TLE1: variants seen among roughly 807,000 people sequenced by gnomAD.
The protein encoded by TLE1 is TLE family member 1, transcriptional corepressor.
In TLE1, 21 loss-of-function variants were observed where a neutral mutation model predicts 89.8. The ratio of observed to expected loss-of-function variants is 0.23; its 90% CI spans 0.17 to 0.34. The LOEUF (loss-of-function observed/expected upper bound fraction) is 0.34, where lower values mean the gene tolerates loss of function less well. Ranked by LOEUF, TLE1 falls within the 10% of genes least tolerant of loss-of-function variation. TLE1 has a pLI of 1.00. For missense variants in TLE1, 795 were observed against 1,031.2 expected (o/e 0.77, Z 3.14); for synonymous variants, 447 against 407.6 (o/e 1.10, Z -1.16).
intron 5 of TLE1, among the ~76,000 whole-genome samples, chr9:81,652,820 C>T (rs879580033): frequency 9.2e-5 from 14 of 152,154 alleles, no homozygotes; most frequent in Non-Finnish European, 1.9e-4. Flanking sequence ...ATACCTAAAA[C>T]TTTAATATTA....
intron 4 of TLE1, among the ~76,000 whole-genome samples, chr9:81,663,262 T>C (rs1225215237): frequency 6.6e-6 from 1 of 152,170 alleles, no homozygotes; most frequent in Non-Finnish European, 1.5e-5. Flanking sequence ...CCTGGAACTA[T>C]TTGGGTACCC....
At chr9:81,648,313 A>T (rs960271288) in intron 6 of TLE1, among the ~76,000 whole-genome samples, 2 of 151,156 alleles carry the variant, frequency 1.3e-5, no homozygotes, top group Non-Finnish European at 2.9e-5. Flanking sequence ...CTTCTTTCAC[A>T]TGCCAAAAGA....
At chr9:81,613,313 A>C in intron 12 of TLE1, 64 bp downstream of exon 12, 1 of 1,588,282 alleles carries the variant, frequency 6.3e-7, no homozygotes, top group Admixed American at 1.8e-5. Flanking sequence ...CAACATTAAC[A>C]GACAACAAAT....
intron 4 of TLE1, among the ~76,000 whole-genome samples, chr9:81,662,924 T>C (rs1157758070): frequency 6.6e-6 from 1 of 151,634 alleles, no homozygotes; most frequent in Non-Finnish European, 1.5e-5. Flanking sequence ...CTCAGCTCAC[T>C]GCAACCTCTG....
intron 14 of TLE1, among the ~76,000 whole-genome samples, chr9:81,603,238 T>C (rs564467151): frequency 2.0e-5 from 3 of 152,178 alleles, no homozygotes; most frequent in Non-Finnish European, 4.4e-5. Flanking sequence ...ATAGGCTTTC[T>C]AGGACACTGT....
intron 6 of TLE1, among the ~76,000 whole-genome samples, chr9:81,650,710 A>C (rs796769603): frequency 2.3e-4 from 35 of 152,206 alleles, no homozygotes; most frequent in African/African-American, 8.2e-4. Flanking sequence ...GTGATACTGA[A>C]GGAGGGGGAA....
chr9:81,668,500 T>A (rs1201086453), intron 4 of TLE1, among the ~76,000 whole-genome samples: 2 of 152,102 alleles, frequency 1.3e-5, no homozygotes, highest in Admixed American at 1.3e-4. Context: ...ACATTTTAAA[T>A]ACAAATTACT....
chr9:81,672,463 ATT>A lies in TLE1; in HGVS notation c.234+13211_234+13212del, dbSNP rs34263355. On this transcript the variant is annotated intron_variant, in intron 4 of 19. Coordinates refer to ENST00000376499, the MANE Select transcript of TLE1 (RefSeq NM_005077.5). Reference sequence around the variant, plus strand: ...ATTGTCCCGCCTCAGCCTCCCAACAATTTTTTTTTTTTTTGCTTCCCCAAATA... The same window carrying A: ...ATTGTCCCGCCTCAGCCTCCCAACAATTTTTTTTTTTTGCTTCCCCAAATA... 3.5e-4 allele frequency among the ~76,000 whole-genome samples: 51 copies of A among 144,244 alleles called. 1 individual carries two copies. The highest frequency in any genetic ancestry group is 1.0e-3 in the African/African-American group (40 of 39,100). 94.6% of individuals were successfully genotyped at this position (144,244 alleles called of 152,430 possible). A position where few individuals can be genotyped will look rare whatever the true frequency, so the allele number is the denominator to read the frequency against.
intron 11 of TLE1, among the ~76,000 whole-genome samples, chr9:81,614,049 A>ACCACCAT (rs1824082566): frequency 1.3e-5 from 2 of 151,802 alleles, no homozygotes; most frequent in Non-Finnish European, 2.9e-5. Flanking sequence ...CTGGGACTAC[A>ACCACCAT]GGTGCCCGCC....
intron 14 of TLE1, among the ~76,000 whole-genome samples, chr9:81,593,888 C>G (rs912031019): frequency 3.3e-5 from 5 of 152,128 alleles, no homozygotes; most frequent in South Asian, 2.1e-4. Context: ...CCTTGCCTAC[C>G]TTGGTCAGGA....
At chr9:81,633,890 C>T (rs1003900988) in intron 7 of TLE1, 20 of 526,330 alleles carry the variant, frequency 3.8e-5, no homozygotes, top group Non-Finnish European at 5.9e-5. Context: ...TGCAATCTAA[C>T]GAGATCGAGA....
intron 14 of TLE1, among the ~76,000 whole-genome samples, chr9:81,606,591 C>T (rs576330422): frequency 5.1e-4 from 77 of 152,102 alleles, no homozygotes; most frequent in Non-Finnish European, 9.6e-4. Context: ...AACACTTGGA[C>T]ACAGGTGGGG....
intron 11 of TLE1, among the ~76,000 whole-genome samples, chr9:81,615,448 C>T (rs1824353021): frequency 6.6e-6 from 1 of 151,382 alleles, no homozygotes; most frequent in Non-Finnish European, 1.5e-5. Context: ...GCTTGTAATC[C>T]CAACACTTTG....
intron 6 of TLE1, among the ~76,000 whole-genome samples, chr9:81,644,872 T>C (rs1828626755): frequency 6.6e-6 from 1 of 151,328 alleles, no homozygotes; most frequent in Non-Finnish European, 1.5e-5. Flanking sequence ...TGTGTGCCTG[T>C]AATCCCAATT....
intron 12 of TLE1, among the ~76,000 whole-genome samples, chr9:81,612,613 A>G (rs1823861765): frequency 6.6e-6 from 1 of 152,192 alleles, no homozygotes; most frequent in South Asian, 2.1e-4. Context: ...CCAGCAAACT[A>G]TAGTCTGCAA....
At chr9:81,607,157 A>AAG (rs952153206) in intron 14 of TLE1, among the ~76,000 whole-genome samples, 2 of 152,074 alleles carry the variant, frequency 1.3e-5, no homozygotes, top group Non-Finnish European at 2.9e-5. Context: ...AAGATGAGAA[A>AAG]AGTACCCCGA....
chr9:81,688,322 T>A lies in TLE1; in HGVS notation c.-82A>T. The A allele has an allele frequency of 7.1e-7, 1 of 1,409,308 alleles. No individual in the cohort carries two copies. Among genetic ancestry groups the A allele is most frequent in the Admixed American group, 3.3e-5 (1 of 29,988 alleles). The allele number at this position is 1,409,308 out of a possible 1,614,324, so 87.3% of individuals were successfully genotyped here. ...CCAACTTTAATCCCGCCGAGGAAAA[T>A]TAAGCCGGAAAGCCAAGCAGAAGCG... On this transcript the variant is annotated 5_prime_UTR_variant, in exon 1 of 20. Coordinates refer to ENST00000376499, the MANE Select transcript of TLE1 (RefSeq NM_005077.5).
intron 4 of TLE1, among the ~76,000 whole-genome samples, chr9:81,672,821 T>C (rs2132972629): frequency 6.6e-6 from 1 of 152,308 alleles, no homozygotes; most frequent in South Asian, 2.1e-4. Context: ...CTTACTTTGA[T>C]AGAATGAACC....
At chr9:81,598,640 T>C (rs1041599172) in intron 14 of TLE1, among the ~76,000 whole-genome samples, 1 of 152,120 alleles carries the variant, frequency 6.6e-6, no homozygotes, top group Non-Finnish European at 1.5e-5. Context: ...CATTCCTCTC[T>C]AAGCCCCTGG....
Sources: gnomAD v4.1 joint callset for allele counts (sites outside exome capture counted in the v4.1 genomes callset) on GRCh38, gnomAD v4.1.1 for gene constraint, MANE v1.5 for transcripts, NCBI Gene and HGNC (gene_info 2026-07-23, HGNC 2026-07-21) for gene names.